The following HSD17B14 variants were observed in gnomAD, a reference collection of about 807,000 sequenced individuals.
HSD17B14 encodes L-fucose dehydrogenase.
In HSD17B14, 32 loss-of-function variants were observed where a neutral mutation model predicts 32.2. That is an observed-to-expected ratio of 0.99 (90% CI 0.75 to 1.33). The LOEUF is 1.33. Ranked by LOEUF, HSD17B14 falls within the 40% of genes most tolerant of loss-of-function variation. The pLI is 0.00. For synonymous variants in HSD17B14, 140 were observed against 155.4 expected (o/e 0.90, Z 0.74); for missense variants, 370 against 366.5 (o/e 1.01, Z -0.08).
At chr19:48,815,188 G>C (rs755569358) in intron 5 of HSD17B14, 47 bp from the exon 6 acceptor site, 4 of 1,413,026 alleles carry the variant, frequency 2.8e-6, no homozygotes, top group Non-Finnish European at 4.0e-6. Context: ...CTGCATCTTC[G>C]CAGACCACTG....
intron 5 of HSD17B14, among the ~76,000 whole-genome samples, chr19:48,828,588 C>T (rs1294156433): frequency 6.6e-6 from 1 of 151,502 alleles, no homozygotes; most frequent in South Asian, 2.1e-4. Flanking sequence ...CCAGCCTGGG[C>T]AACAGAGTGA....
intron 5 of HSD17B14, among the ~76,000 whole-genome samples, 186 bp downstream of exon 5, chr19:48,831,482 G>T (rs536635802): frequency 8.5e-5 from 13 of 152,068 alleles, no homozygotes; most frequent in African/African-American, 3.1e-4. Context: ...GAACCCAGGA[G>T]GTGGAGGTTG....
In HSD17B14 at chr19:48,813,179, G is replaced by A. The variant is rs973456640; in HGVS notation, c.809C>T (p.Ser270Phe). The A allele has an allele frequency of 5.7e-6, 9 of 1,586,880 alleles. No individual in the cohort carries two copies. Among genetic ancestry groups the A allele is most frequent in the Admixed American group, 3.6e-5 (2 of 56,020 alleles). ...STPVDAPDIP[S>F] ...CCCAAGTAGAAATGAGAGAAATCAGGAAGGGATATCGGGGGCGTCCACGGG... is the reference window on the plus strand; with the variant it reads ...CCCAAGTAGAAATGAGAGAAATCAGAAAGGGATATCGGGGGCGTCCACGGG... Residue 270 changes from serine (S) to phenylalanine (F), a missense_variant, in exon 9 of 9, where the codon TCC becomes TTC. Transcript: ENST00000263278.
At chr19:48,832,626 G>A (rs373667121) in intron 4 of HSD17B14, 40 bp downstream of exon 4, 49 of 1,559,332 alleles carry the variant, frequency 3.1e-5, no homozygotes, top group Middle Eastern at 1.7e-4. Context: ...AGAGTTGGGG[G>A]GCAGGAGGTG....
At chr19:48,817,279 G>A (rs2122744920) in intron 5 of HSD17B14, among the ~76,000 whole-genome samples, 1 of 151,878 alleles carries the variant, frequency 6.6e-6, no homozygotes, top group East Asian at 1.9e-4. Context: ...CCAGGTTCAA[G>A]CCCTTCTCCT....
chr19:48,827,595 T>C (rs987186535), intron 5 of HSD17B14, among the ~76,000 whole-genome samples: 1 of 151,958 alleles, frequency 6.6e-6, no homozygotes, highest in Non-Finnish European at 1.5e-5. Flanking sequence ...TGGAGTGCAG[T>C]GGTGCAATCT....
chr19:48,825,003 C>T (rs1018794529), intron 5 of HSD17B14, among the ~76,000 whole-genome samples: 7 of 151,582 alleles, frequency 4.6e-5, no homozygotes, highest in East Asian at 3.9e-4. Flanking sequence ...TTTGGGAGGC[C>T]GAGGCAGGCG....
chr19:48,817,596 A>G (rs2035078525), intron 5 of HSD17B14, among the ~76,000 whole-genome samples: 1 of 152,078 alleles, frequency 6.6e-6, no homozygotes, highest in African/African-American at 2.4e-5. Flanking sequence ...TATATATTTT[A>G]CTTGTTTGTT....
chr19:48,819,436 C>T (rs1260971935), intron 5 of HSD17B14, among the ~76,000 whole-genome samples: 2 of 152,206 alleles, frequency 1.3e-5, no homozygotes, highest in Non-Finnish European at 2.9e-5. Context: ...CCTGCCACAG[C>T]TCCCTATTGC....
intron 6 of HSD17B14, 103 bp from the exon 7 acceptor site, chr19:48,813,833 A>G (rs2035005487): frequency 2.3e-6 from 3 of 1,302,548 alleles, no homozygotes; most frequent in Non-Finnish European, 3.3e-6. Flanking sequence ...TGGGGAAGTC[A>G]TGCCCTCCTT....
In HSD17B14 at chr19:48,834,281, C is replaced by T. The variant is rs188166617; in HGVS notation, c.205G>A (p.Val69Met). 4.1e-4 allele frequency: 659 copies of T among 1,613,670 alleles called. No homozygotes were observed. The highest frequency in any genetic ancestry group is 4.2e-4 in the Non-Finnish European group (496 of 1,179,612). The change falls in exon 3 of 9, where the codon GTG (valine) becomes ATG (methionine). Residue 69 changes from valine (V) to methionine (M), a missense_variant. Physicochemically the swap from Val to Met is conservative, Grantham distance 21. Transcript: ENST00000263278. ...ILCDVTQEDD[V>M]KTLVSETIRR... ...GGAACAGGAACTCGGCTTACCTTCA[C>T]ATCATCTTCCTGAGTCACATCACAG...
intron 5 of HSD17B14, among the ~76,000 whole-genome samples, chr19:48,825,396 C>G (rs2035227719): frequency 6.6e-6 from 1 of 151,898 alleles, no homozygotes; most frequent in African/African-American, 2.4e-5. Flanking sequence ...ACTACAGCCT[C>G]AACCTCCTGG....
chr19:48,832,823 G>A, intron 3 of HSD17B14, 91 bp from the exon 4 acceptor site: 1 of 1,073,946 alleles, frequency 9.3e-7, no homozygotes, highest in South Asian at 1.3e-5. Context: ...GCACGATCTT[G>A]GCTCACTGCA....
intron 5 of HSD17B14, among the ~76,000 whole-genome samples, chr19:48,826,052 C>G (rs2035239949): frequency 6.6e-6 from 1 of 151,634 alleles, no homozygotes; most frequent in Non-Finnish European, 1.5e-5. Context: ...GATCTCCTGA[C>G]CTCGGGATCC....
intron 6 of HSD17B14, among the ~76,000 whole-genome samples, chr19:48,814,429 G>A (rs1260446057): frequency 1.3e-5 from 2 of 151,988 alleles, no homozygotes; most frequent in Admixed American, 6.6e-5. Flanking sequence ...GGCTGAGGCA[G>A]GAGAATCACT....
intron 5 of HSD17B14, among the ~76,000 whole-genome samples, chr19:48,830,174 C>T (rs78135073): frequency 1.3e-5 from 2 of 152,016 alleles, no homozygotes; most frequent in African/African-American, 2.4e-5. Flanking sequence ...CTTAACCCAA[C>T]CCCCCTTTCT....
intron 6 of HSD17B14, 121 bp downstream of exon 6, chr19:48,814,916 T>C (rs2035025720): frequency 3.0e-6 from 2 of 659,622 alleles, no homozygotes; most frequent in East Asian, 2.7e-5. Flanking sequence ...CATCTGGGAG[T>C]TAGGTGTGAG....
intron 5 of HSD17B14, among the ~76,000 whole-genome samples, chr19:48,830,666 G>A (rs1244644696): frequency 6.6e-6 from 1 of 151,866 alleles, no homozygotes; most frequent in East Asian, 1.9e-4. Flanking sequence ...AAGTACCTGA[G>A]GCGCACCACC....
At chr19:48,822,310 GATT>G (rs2035168897) in intron 5 of HSD17B14, among the ~76,000 whole-genome samples, 1 of 150,740 alleles carries the variant, frequency 6.6e-6, no homozygotes, top group Admixed American at 6.6e-5. Context: ...TGATGGTGAT[GATT>G]GTGGCAATGA....
Sources: gnomAD v4.1 joint callset for allele counts (sites outside exome capture counted in the v4.1 genomes callset) on GRCh38, gnomAD v4.1.1 for gene constraint, MANE v1.5 for transcripts, NCBI Gene and HGNC (gene_info 2026-07-23, HGNC 2026-07-21) for gene names.